The following LRRC37A3 variants were observed in gnomAD, a reference collection of about 807,000 sequenced individuals.
LRRC37A3 encodes leucine-rich repeat-containing protein 37A3.
A neutral mutation model predicts 106.2 loss-of-function variants in LRRC37A3; 25 were observed. The ratio of observed to expected loss-of-function variants is 0.24; its 90% CI spans 0.17 to 0.33. The LOEUF is 0.33. LRRC37A3 is among the 10% of genes least tolerant of loss of function. The pLI is 1.00. For missense variants in LRRC37A3, 712 were observed against 1,644.9 expected (o/e 0.43, Z 9.81); for synonymous variants, 305 against 635.8 (o/e 0.48, Z 7.83).
In LRRC37A3 at chr17:64,887,499, T is replaced by G. The variant is rs1402115371; in HGVS notation, c.2754-613A>C. ...CTCCAGCCTGGGCGACAGAGCGAGATTCCGTCTCAAACAAACAAACAAACA... is the reference window on the plus strand; with the variant it reads ...CTCCAGCCTGGGCGACAGAGCGAGAGTCCGTCTCAAACAAACAAACAAACA... On this transcript the variant is annotated intron_variant, in intron 6 of 14. Coordinates refer to ENST00000584306, the MANE Select transcript of LRRC37A3 (RefSeq NM_199340.5). Among the ~76,000 whole-genome samples the G allele has an allele frequency of 5.3e-5, 3 of 56,112 alleles. 1 individual carries two copies. Among genetic ancestry groups the G allele is most frequent in the Non-Finnish European group, 1.0e-4 (3 of 28,640 alleles). The allele number at this position is 56,112 out of a possible 152,430, so 36.8% of individuals were successfully genotyped here.
At chr17:64,882,311 G>GA (rs1332428342) in intron 8 of LRRC37A3, among the ~76,000 whole-genome samples, 6 of 146,692 alleles carry the variant, frequency 4.1e-5, no homozygotes, top group African/African-American at 1.5e-4. Flanking sequence ...ATTAAGTATT[G>GA]AAAAAATGCT....
At chr17:64,881,781 G>T (rs1384219519) in intron 8 of LRRC37A3, among the ~76,000 whole-genome samples, 6 of 151,028 alleles carry the variant, frequency 4.0e-5, no homozygotes, top group African/African-American at 1.2e-4. Flanking sequence ...GCCTAGCAAT[G>T]CGCTGGACAC....
chr17:64,866,759 T>C (rs546071522), intron 10 of LRRC37A3, among the ~76,000 whole-genome samples: 1,629 of 139,834 alleles, frequency 0.012, 34 homozygotes, highest in African/African-American at 0.041. Flanking sequence ...GGTTCCCTAG[T>C]AGCTGGGACT....
intron 2 of LRRC37A3, among the ~76,000 whole-genome samples, chr17:64,915,516 T>C: frequency 1.3e-5 from 2 of 152,358 alleles, no homozygotes; most frequent in South Asian, 4.2e-4. Flanking sequence ...ATTGCTACAA[T>C]GGCAGAGCTG....
intron 8 of LRRC37A3, among the ~76,000 whole-genome samples, chr17:64,875,369 A>G (rs1311809681): frequency 6.6e-6 from 1 of 152,246 alleles, no homozygotes; most frequent in Admixed American, 6.5e-5. Flanking sequence ...CAATAATTCT[A>G]TACCTGGCAA....
intron 5 of LRRC37A3, among the ~76,000 whole-genome samples, chr17:64,890,166 T>C (rs1308494722): frequency 2.3e-5 from 3 of 129,558 alleles, no homozygotes; most frequent in Non-Finnish European, 4.5e-5. Context: ...CATTCAACCT[T>C]TTTCCCCCCA....
rs1447627301 is a variant in LRRC37A3, at chr17:64,918,951, C to T, written c.-616-81G>A. The T allele has an allele frequency of 2.8e-6, 3 of 1,080,728 alleles. No individual in the cohort carries two copies. In the African/African-American group the frequency reaches 4.9e-5, roughly 18 times the overall value. 66.9% of individuals were successfully genotyped at this position (1,080,728 alleles called of 1,614,324 possible). A position where few individuals can be genotyped will look rare whatever the true frequency, so the allele number is the denominator to read the frequency against. ...CCACTTTGTTGACGGCCGTCCGGAC[C>T]TGCAGCTGTCCGGGCCAGGTGGCTG... is the stretch of plus-strand genomic sequence containing the variant. On this transcript the variant is annotated intron_variant, in intron 1 of 14. Transcript: ENST00000584306.
chr17:64,869,301 C>T (rs1442963013), intron 8 of LRRC37A3, 135 bp from the exon 9 acceptor site: 1 of 1,411,174 alleles, frequency 7.1e-7, no homozygotes, highest in African/African-American at 1.4e-5. Flanking sequence ...CCTAAGAAAT[C>T]ACCATTAGAC....
At chr17:64,899,650 T>A (rs1469186902) in intron 2 of LRRC37A3, 1 of 145,910 alleles carries the variant, frequency 6.9e-6, no homozygotes, top group African/African-American at 2.8e-5. Flanking sequence ...GCATTATAGT[T>A]TTCAAAAGCT....
chr17:64,868,614 T>G (rs1973200581), intron 9 of LRRC37A3, 78 bp from the exon 10 acceptor site: 1 of 1,520,400 alleles, frequency 6.6e-7, no homozygotes, highest in Non-Finnish European at 9.0e-7. Flanking sequence ...TTTTGGCTTC[T>G]CTATTAAACA....
At chr17:64,858,980 G>A in intron 12 of LRRC37A3, 97 bp from the exon 13 acceptor site, 1 of 822,992 alleles carries the variant, frequency 1.2e-6, no homozygotes, top group South Asian at 1.6e-5. Context: ...TTGAAAGAGG[G>A]TCTCACTCTG....
chr17:64,917,268 A>G (rs1391596101), intron 2 of LRRC37A3, among the ~76,000 whole-genome samples: 1 of 151,440 alleles, frequency 6.6e-6, no homozygotes, highest in Non-Finnish European at 1.5e-5. Flanking sequence ...AAAAAAAAAA[A>G]AACCTGAAAA....
At chr17:64,855,256 G>A (rs1388448166) in intron 14 of LRRC37A3, among the ~76,000 whole-genome samples, 2 of 151,560 alleles carry the variant, frequency 1.3e-5, no homozygotes, top group Non-Finnish European at 2.9e-5. Flanking sequence ...AGAAAATACT[G>A]TTTCCTGCCA....
In LRRC37A3 at chr17:64,866,139, G is replaced by A. The variant is rs1973061833; in HGVS notation, c.3053+2323C>T. On this transcript the variant is annotated intron_variant, in intron 10 of 14. Transcript: ENST00000584306. ...GCCTTGGTGACAAATCATTACAGAG[G>A]ATGAGAGCATTTTTCCTATCCAATA... is the stretch of plus-strand genomic sequence containing the variant. 3.3e-5 allele frequency among the ~76,000 whole-genome samples: 5 copies of A among 151,598 alleles called. 1 individual carries two copies. Among genetic ancestry groups the A allele is most frequent in the South Asian group, 4.2e-4 (2 of 4,778 alleles).
chr17:64,866,801 TTA>T (rs61583094), intron 10 of LRRC37A3, among the ~76,000 whole-genome samples: 7,571 of 124,560 alleles, frequency 0.061, 786 homozygotes, highest in African/African-American at 0.22. Flanking sequence ...TGGCTGATTT[TTA>T]TATATATATA....
intron 2 of LRRC37A3, chr17:64,899,738 C>T (rs1974252975): frequency 1.3e-5 from 2 of 148,308 alleles, no homozygotes; most frequent in African/African-American, 5.3e-5. Context: ...TCTAACAAGG[C>T]CTGTGTTCGA....
chr17:64,910,637 CTTTTTT>C (rs926231139), intron 2 of LRRC37A3, among the ~76,000 whole-genome samples: 2 of 96,478 alleles, frequency 2.1e-5, no homozygotes, highest in Admixed American at 1.4e-4. Context: ...ATTGTCCCCC[CTTTTTT>C]TTTTTTTTTT....
rs762404104 is a variant in LRRC37A3, at chr17:64,869,100, T to C, written c.2973A>G (p.Lys991=). 6.8e-6 allele frequency: 11 copies of C among 1,611,940 alleles called. No individual in the cohort carries two copies. The African/African-American group carries it at 1.5e-4, about 22-fold the overall frequency. Residue 991 remains lysine (K), a synonymous_variant, in exon 9 of 15, where the codon AAA becomes AAG. Coordinates refer to ENST00000584306, the MANE Select transcript of LRRC37A3 (RefSeq NM_199340.5). ...GAGAGTACTATAGTACTTACAGATA[T>C]TTTAATGCTGGCAATTTAAAGAGAT... ...DPYLFKLPAL[K]YLDMGTTLVP...
chr17:64,875,170 AG>A (rs1411562670), intron 8 of LRRC37A3, among the ~76,000 whole-genome samples: 1 of 152,226 alleles, frequency 6.6e-6, no homozygotes, highest in African/African-American at 2.4e-5. Context: ...TCAGCTACCC[AG>A]GAGGCTAAGG....
Sources: allele counts gnomAD v4.1 joint callset (sites outside exome capture counted in the v4.1 genomes callset), GRCh38; gene constraint gnomAD v4.1.1; transcripts MANE v1.5; gene names NCBI Gene and HGNC (gene_info 2026-07-23, HGNC 2026-07-21).